The following E2F2 variants were observed in gnomAD, a reference collection of about 807,000 sequenced individuals.
E2F2 encodes transcription factor E2F2.
E2F2 carries 22 observed loss-of-function variants against 42.2 expected under a neutral mutation model. The ratio of observed to expected loss-of-function variants is 0.52; its 90% CI spans 0.37 to 0.74. E2F2 has a LOEUF of 0.74. E2F2 is among the 30% of genes least tolerant of loss of function. The pLI, the probability that E2F2 is intolerant of heterozygous loss-of-function variation, is 0.00. For missense variants in E2F2, 481 were observed against 557.8 expected (o/e 0.86, Z 1.39); for synonymous variants, 248 against 251.6 (o/e 0.99, Z 0.13).
At chr1:23,518,950 G>C in intron 5 of E2F2, 66 bp downstream of exon 5, 2 of 1,334,120 alleles carry the variant, frequency 1.5e-6, no homozygotes, top group Non-Finnish European at 2.1e-6. Context: ...AGAGTCTGCA[G>C]AGCCGCCTGG....
intron 6 of E2F2, among the ~76,000 whole-genome samples, chr1:23,514,538 G>A (rs1035631443): frequency 1.3e-5 from 2 of 151,914 alleles, no homozygotes; most frequent in African/African-American, 4.8e-5. Flanking sequence ...AGTTAGTTGG[G>A]GACAGCAAAC....
At chr1:23,521,166 G>T (rs1643138023) in intron 3 of E2F2, 95 bp from the exon 4 acceptor site, 3 of 1,305,096 alleles carry the variant, frequency 2.3e-6, no homozygotes, top group Non-Finnish European at 2.0e-6. Context: ...TCCCTGGGTT[G>T]TGGAAATCAG....
intron 2 of E2F2, among the ~76,000 whole-genome samples, chr1:23,523,155 A>AT (rs34433615): frequency 0.45 from 64,915 of 143,188 alleles, 16,702 homozygotes; most frequent in East Asian, 0.82. Context: ...TCTAACCAGG[A>AT]TTTTTTTTTT....
At chr1:23,527,811 T>C (rs1161623591) in intron 1 of E2F2, among the ~76,000 whole-genome samples, 1 of 152,208 alleles carries the variant, frequency 6.6e-6, no homozygotes, top group African/African-American at 2.4e-5. Context: ...TTTTCTTTCA[T>C]GCCTCACAAG....
chr1:23,520,833 T>C, intron 4 of E2F2, 80 bp downstream of exon 4: 2 of 1,357,940 alleles, frequency 1.5e-6, no homozygotes, highest in Non-Finnish European at 1.9e-6. Flanking sequence ...TTAGGGTAAG[T>C]TACTGAATCA....
chr1:23,530,092 G>T lies in E2F2; in HGVS notation c.252+450C>A, dbSNP rs1263921250. On this transcript the variant is annotated intron_variant, in intron 1 of 6. Transcript: ENST00000361729. The surrounding 1 kb of genome is among the most constrained non-coding windows in gnomAD (Gnocchi z 4.4). ...TTTGGAGTCTGTCCATGGCAGATTGGATGTGAGAGACCCACTAGACCTATC... is the reference window on the plus strand; with the variant it reads ...TTTGGAGTCTGTCCATGGCAGATTGTATGTGAGAGACCCACTAGACCTATC... Among the ~76,000 whole-genome samples, 1 of 152,198 alleles carries T rather than the reference G, an allele frequency of 6.6e-6. No homozygotes were observed. The highest frequency in any genetic ancestry group is 1.5e-5 in the Non-Finnish European group (1 of 68,026).
intron 5 of E2F2, among the ~76,000 whole-genome samples, chr1:23,518,043 C>A (rs1312949606): frequency 6.6e-6 from 1 of 152,090 alleles, no homozygotes; most frequent in Admixed American, 6.6e-5. Flanking sequence ...TGGTGGCATG[C>A]ACCTGTGGTC....
chr1:23,527,930 G>C (rs902131024), intron 1 of E2F2, among the ~76,000 whole-genome samples: 1 of 152,278 alleles, frequency 6.6e-6, no homozygotes, highest in Non-Finnish European at 1.5e-5. Context: ...GATCACCTGA[G>C]GTCAGGAGTT....
In E2F2 at chr1:23,509,872, A is replaced by AGGCG; in HGVS notation, c.*7_*8insCGCC. On this transcript the variant is annotated 3_prime_UTR_variant, in exon 7 of 7. Transcript: ENST00000361729. ...CGGGGGCAGGCTGCTGGGGGCAGGC[A>AGGCG]GGGCCACTCAATTAATCAACAGGTC... 6.6e-7 allele frequency: 1 copy of AGGCG among 1,525,698 alleles called. No individual in the cohort carries two copies. Among genetic ancestry groups the AGGCG allele is most frequent in the East Asian group, 2.4e-5 (1 of 41,542 alleles). 94.5% of individuals were successfully genotyped at this position (1,525,698 alleles called of 1,614,324 possible).
chr1:23,528,882 T>TA (rs777269098), intron 1 of E2F2, among the ~76,000 whole-genome samples: 8 of 152,026 alleles, frequency 5.3e-5, no homozygotes, highest in Non-Finnish European at 8.8e-5. Flanking sequence ...TAGGCAGTAT[T>TA]AAAAAAAGTC....
At chr1:23,506,209 A>T (rs1297186475), downstream of E2F2, among the ~76,000 whole-genome samples, 7 of 152,176 alleles carry the variant, frequency 4.6e-5, no homozygotes, top group Non-Finnish European at 1.0e-4. Flanking sequence ...TGGGGGAGAC[A>T]GAGTCAGGGC....
At chr1:23,527,585 A>G (rs1472103770) in intron 1 of E2F2, among the ~76,000 whole-genome samples, 2 of 152,332 alleles carry the variant, frequency 1.3e-5, no homozygotes, top group East Asian at 3.9e-4. Flanking sequence ...GGGAAGAGGA[A>G]TTGACTTGCC....
rs754726067 is a variant in E2F2, at chr1:23,509,979, T to C, written c.1215A>G (p.Pro405=). ...ACAGGTAGTCGTCCTGGTCCAAGGA[T>C]GGGGAGAAGCTGATCAGAGGGGAGC... The part of the protein sequence containing the change: ...ACSSPLISFS[P]SLDQDDYLWG... The change falls in exon 7 of 7, where the codon CCA becomes CCG. Residue 405 remains proline (P), a synonymous_variant. Coordinates refer to ENST00000361729, the MANE Select transcript of E2F2 (RefSeq NM_004091.4). 1 of 1,613,034 alleles carries C rather than the reference T, an allele frequency of 6.2e-7. No homozygotes were observed. The highest frequency in any genetic ancestry group is 1.7e-5 in the Admixed American group (1 of 59,914).
At chr1:23,519,330 A>T (rs2148699736) in intron 4 of E2F2, 200 bp from the exon 5 acceptor site, 1 of 391,860 alleles carries the variant, frequency 2.6e-6, no homozygotes, top group East Asian at 3.9e-5. Context: ...TGGGAATATA[A>T]ATCATAAAAA....
chr1:23,518,138 T>C (rs1358919155), intron 5 of E2F2, among the ~76,000 whole-genome samples: 2 of 151,838 alleles, frequency 1.3e-5, no homozygotes, highest in Admixed American at 1.3e-4. Context: ...GCCACTGCAC[T>C]CCAGCCTGGG....
chr1:23,518,964 G>A (rs1046457489), intron 5 of E2F2, 52 bp downstream of exon 5: 20 of 1,469,078 alleles, frequency 1.4e-5, no homozygotes, highest in Admixed American at 8.7e-5. Context: ...CGCCTGGAAC[G>A]CTCCCTGGCA....
At chr1:23,519,683 A>G (rs930932521) in intron 4 of E2F2, among the ~76,000 whole-genome samples, 14 of 152,172 alleles carry the variant, frequency 9.2e-5, no homozygotes, top group African/African-American at 3.4e-4. Context: ...TAATCCTAGC[A>G]CTTTGGGAGG....
Position 23,519,074 on chromosome 1 carries a change from G to C in E2F2, c.794C>G (p.Thr265Arg), listed in dbSNP as rs139052092. The C allele has an allele frequency of 6.2e-7, 1 of 1,613,906 alleles. No homozygotes were observed. Among genetic ancestry groups the C allele is most frequent in the Non-Finnish European group, 8.5e-7 (1 of 1,179,874 alleles). ...IRAVGNFKEQ[T>R]VIAVKAPPQT... ...CGGAGGGGCCTTGACGGCAATCACT[G>C]TCTGCTCCTTAAAGTTGCCAACAGC... The change falls in exon 5 of 7, where the codon ACA becomes AGA. Residue 265 changes from threonine (T) to arginine (R), a missense_variant. Thr to Arg is a moderately conservative substitution (Grantham distance 71). Transcript: ENST00000361729.
At position 23,530,620 on chromosome 1, in the gene E2F2, C is replaced by T. The variant is rs1174394977; in HGVS notation, c.174G>A (p.Ala58=). 1 of 1,613,084 alleles carries T rather than the reference C, an allele frequency of 6.2e-7. No individual in the cohort carries two copies. ...GAGTGGCGTCGAGGCAGGTGCCTGG[C>T]GCCGCTGCGGGAGGCGCCGTCTGCG... ...LYPQTAPPAA[A]PGTCLDATPH... is the part of the protein sequence containing the mutation. Residue 58 remains alanine, a synonymous_variant, in exon 1 of 7, where the codon GCG becomes GCA. Coordinates refer to ENST00000361729, the MANE Select transcript of E2F2 (RefSeq NM_004091.4). This position sits in a 1 kb window ranked among gnomAD's most constrained non-coding sequence, Gnocchi z 4.4.
Sources: allele counts gnomAD v4.1 joint callset (sites outside exome capture counted in the v4.1 genomes callset), GRCh38; gene constraint gnomAD v4.1.1; non-coding constraint Gnocchi (gnomAD v3.1); transcripts MANE v1.5; gene names NCBI Gene and HGNC (gene_info 2026-07-23, HGNC 2026-07-21).